The following SYT16 variants were observed in gnomAD, a reference collection of about 807,000 sequenced individuals.
SYT16 encodes synaptotagmin-16.
SYT16 carries 42 observed loss-of-function variants against 61.4 expected under a neutral mutation model. The observed-to-expected ratio is 0.68, with a 90% CI of 0.53 to 0.89. The LOEUF (loss-of-function observed/expected upper bound fraction) is 0.89. Ranked by LOEUF, SYT16 falls within the 40% of genes least tolerant of loss-of-function variation. SYT16 has a pLI of 0.00. For missense variants in SYT16, 804 were observed against 807.3 expected (o/e 1.00, Z 0.05); for synonymous variants, 314 against 302.3 (o/e 1.04, Z -0.40).
rs193139109 is a variant in SYT16 at position 62,075,437 on chromosome 14, C to T, written c.993+46C>T. 5.0e-4 allele frequency: 768 copies of T among 1,541,412 alleles called. 5 individuals are homozygous for T. In the African/African-American group the frequency reaches 9.3e-3, roughly 19 times the overall value. On this transcript the variant is annotated intron_variant, in intron 5 of 7. Coordinates refer to ENST00000683842, the MANE Select transcript of SYT16 (RefSeq NM_001367656.1). ...TCTTTCATTGGTTCCCTTTCCCCTT[C>T]CCCTCTTTCCACTCTCCTTTCTCAT...
chr14:61,882,240 G>A (rs2047726959), intron 1 of SYT16, among the ~76,000 whole-genome samples: 1 of 152,000 alleles, frequency 6.6e-6, no homozygotes, highest in Non-Finnish European at 1.5e-5. Flanking sequence ...GAGAGTACAG[G>A]ATTGCACTAT....
At chr14:61,994,317 C>T (rs541028734) in intron 2 of SYT16, among the ~76,000 whole-genome samples, 5 of 152,174 alleles carry the variant, frequency 3.3e-5, no homozygotes, top group South Asian at 4.1e-4. Flanking sequence ...CTCAAACTTC[C>T]GTGGGTGTCA....
rs1016035725 is a variant in SYT16 at position 62,111,336 on chromosome 14, T to C, written c.*10629T>C. The C allele has an allele frequency of 3.3e-5, 5 of 152,086 alleles. No homozygotes were observed. Among genetic ancestry groups the C allele is most frequent in the African/African-American group, 1.2e-4 (5 of 41,448 alleles). 9.4% of individuals were successfully genotyped at this position (152,086 alleles called of 1,614,324 possible). ...GATTTTCAGGAGATTTTACCCTACA[T>C]GGAGTACACTGTTCTTAGCAGGGAA... On this transcript the variant is annotated 3_prime_UTR_variant, in exon 8 of 8. Coordinates refer to ENST00000683842, the MANE Select transcript of SYT16 (RefSeq NM_001367656.1).
At chr14:61,845,051 T>A (rs1407519011) in intron 1 of SYT16, among the ~76,000 whole-genome samples, 1 of 142,792 alleles carries the variant, frequency 7.0e-6, no homozygotes, top group Non-Finnish European at 1.5e-5. Flanking sequence ...TTTTTTTTTT[T>A]TTTTTTTTTT....
At chr14:62,083,536 T>C (rs1389223570) in intron 6 of SYT16, among the ~76,000 whole-genome samples, 2 of 152,224 alleles carry the variant, frequency 1.3e-5, no homozygotes, top group Non-Finnish European at 2.9e-5. Flanking sequence ...TCTCCTGGGC[T>C]CACTTGGTGC....
intron 3 of SYT16, among the ~76,000 whole-genome samples, chr14:62,022,556 GC>G (rs1400525131): frequency 6.6e-6 from 1 of 151,238 alleles, no homozygotes; most frequent in Non-Finnish European, 1.5e-5. Context: ...AGAATTTTTG[GC>G]CCCTATTTCT....
chr14:62,033,120 A>G (rs1287160372), intron 3 of SYT16, among the ~76,000 whole-genome samples: 1 of 152,110 alleles, frequency 6.6e-6, no homozygotes, highest in Non-Finnish European at 1.5e-5. Flanking sequence ...AAAATAATAG[A>G]TGGCTAAATA....
intron 1 of SYT16, among the ~76,000 whole-genome samples, chr14:61,891,773 G>C (rs1453302276): frequency 6.6e-6 from 1 of 152,180 alleles, no homozygotes; most frequent in Non-Finnish European, 1.5e-5. Flanking sequence ...AGTCTAAAAG[G>C]ATAAGGTAGT....
At chr14:61,950,171 G>A (rs971911455) in intron 1 of SYT16, among the ~76,000 whole-genome samples, 2 of 152,172 alleles carry the variant, frequency 1.3e-5, no homozygotes, top group African/African-American at 2.4e-5. Context: ...AGCAATACAT[G>A]TTAAAATCTA....
At position 62,111,064 on chromosome 14, in the gene SYT16, T is replaced by C. The variant is rs1193373531; in HGVS notation, c.*10357T>C. The C allele has an allele frequency of 2.0e-5, 3 of 152,108 alleles. No homozygotes were observed. Among genetic ancestry groups the C allele is most frequent in the Non-Finnish European group, 4.4e-5 (3 of 67,950 alleles). The allele number at this position is 152,108 out of a possible 1,614,324, so 9.4% of individuals were successfully genotyped here. A position where few individuals can be genotyped will look rare whatever the true frequency, so the allele number is the denominator to read the frequency against. ...ATTTCATAGCAATATTTTATTTGTG[T>C]TCACAGTGCAAGATAAATCTGACTT... On this transcript the variant is annotated 3_prime_UTR_variant, in exon 8 of 8. Transcript: ENST00000683842.
At chr14:62,016,825 T>C (rs1165850738) in intron 3 of SYT16, among the ~76,000 whole-genome samples, 1 of 152,216 alleles carries the variant, frequency 6.6e-6, no homozygotes, top group Non-Finnish European at 1.5e-5. Context: ...GTTAACTTTA[T>C]CTCTATTTCT....
intron 1 of SYT16, among the ~76,000 whole-genome samples, chr14:61,948,523 T>A (rs1330136070): frequency 6.6e-6 from 1 of 152,130 alleles, no homozygotes; most frequent in African/African-American, 2.4e-5. Context: ...AGCACTCCGC[T>A]AAGAATGAAG....
intron 5 of SYT16, among the ~76,000 whole-genome samples, chr14:62,075,981 T>A (rs1294109151): frequency 6.6e-6 from 1 of 152,210 alleles, no homozygotes; most frequent in Non-Finnish European, 1.5e-5. Context: ...CCATTGACAT[T>A]GGTTTTGTAG....
At chr14:61,961,817 A>G (rs183442008) in intron 1 of SYT16, among the ~76,000 whole-genome samples, 4 of 152,296 alleles carry the variant, frequency 2.6e-5, no homozygotes, top group Admixed American at 2.0e-4. Context: ...ACGTGCATGC[A>G]TATGTTCATT....
At chr14:62,021,487 T>A (rs1171053532) in intron 3 of SYT16, among the ~76,000 whole-genome samples, 1 of 52,760 alleles carries the variant, frequency 1.9e-5, no homozygotes, top group South Asian at 5.7e-4. Context: ...TTTTTTCGGT[T>A]GTTGTTTTTT....
Position 62,016,360 on chromosome 14 carries a change from A to G in SYT16, c.523+19818A>G, listed in dbSNP as rs905328744. ...AAGAACATTTAATAAGATCATCATC[A>G]TTTGAGTCTTTGAAATAATTCAAGT... On this transcript the variant is annotated intron_variant, in intron 3 of 7. Coordinates refer to ENST00000683842, the MANE Select transcript of SYT16 (RefSeq NM_001367656.1). Among the ~76,000 whole-genome samples, 7 of 152,124 alleles carry G rather than the reference A, an allele frequency of 4.6e-5. No individual in the cohort carries two copies. The East Asian group carries it at 1.3e-3, about 29-fold the overall frequency.
chr14:61,916,798 A>T (rs186427341), intron 1 of SYT16, among the ~76,000 whole-genome samples: 1 of 151,902 alleles, frequency 6.6e-6, no homozygotes, highest in East Asian at 1.9e-4. Flanking sequence ...CATGAGATCC[A>T]CTTTTTTTCT....
At chr14:62,022,599 T>C (rs2053952871) in intron 3 of SYT16, among the ~76,000 whole-genome samples, 1 of 151,302 alleles carries the variant, frequency 6.6e-6, no homozygotes, top group Non-Finnish European at 1.5e-5. Context: ...TTTCCTTTTC[T>C]CCTTCTATAA....
chr14:61,980,732 C>T (rs942900308), intron 2 of SYT16, among the ~76,000 whole-genome samples: 6 of 151,938 alleles, frequency 3.9e-5, no homozygotes, highest in African/African-American at 1.5e-4. Flanking sequence ...AAAAACAAAA[C>T]CAAACGTAAA....
Sources: gnomAD v4.1 joint callset for allele counts (sites outside exome capture counted in the v4.1 genomes callset) on GRCh38, gnomAD v4.1.1 for gene constraint, MANE v1.5 for transcripts, NCBI Gene and HGNC (gene_info 2026-07-23, HGNC 2026-07-21) for gene names.